HMCN1: variants seen among roughly 807,000 people sequenced by gnomAD.
HMCN1 encodes hemicentin 1.
Under a neutral mutation model 625.9 loss-of-function variants are expected in HMCN1, and 321 were observed. The ratio of observed to expected loss-of-function variants is 0.51; its 90% CI spans 0.47 to 0.56. The LOEUF is 0.56. HMCN1 is among the 20% of genes least tolerant of loss of function. The pLI is 0.00. For missense variants in HMCN1, 6,588 were observed against 6,887.3 expected (o/e 0.96, Z 1.54); for synonymous variants, 2,425 against 2,417.6 (o/e 1.00, Z -0.09).
chr1:185,779,284 C>G (rs943857803), intron 1 of HMCN1, among the ~76,000 whole-genome samples: 9 of 152,132 alleles, frequency 5.9e-5, no homozygotes, highest in African/African-American at 2.2e-4. Flanking sequence ...AATTTTCTCC[C>G]ATTCTGTAGG....
At chr1:186,002,218 A>C (rs1478577199) in intron 28 of HMCN1, among the ~76,000 whole-genome samples, 3 of 152,098 alleles carry the variant, frequency 2.0e-5, no homozygotes, top group Non-Finnish European at 4.4e-5. Flanking sequence ...CCTGATTCTA[A>C]TTAAGTAGGT....
At chr1:185,981,828 G>A (rs1651661194) in intron 17 of HMCN1, among the ~76,000 whole-genome samples, 1 of 152,022 alleles carries the variant, frequency 6.6e-6, no homozygotes, top group African/African-American at 2.4e-5. Context: ...TTATTTGCTT[G>A]AGATATTACA....
intron 51 of HMCN1, 138 bp from the exon 52 acceptor site, chr1:186,070,474 A>G (rs1230547731): frequency 2.7e-6 from 2 of 733,212 alleles, no homozygotes; most frequent in African/African-American, 1.8e-5. Context: ...GTTAACTTAG[A>G]TACTTAATGA....
chr1:185,923,374 A>G lies in HMCN1; in HGVS notation c.1022-16A>G. 1 of 1,594,876 alleles carries G rather than the reference A, an allele frequency of 6.3e-7. No individual in the cohort carries two copies. The highest frequency in any genetic ancestry group is 8.6e-7 in the Non-Finnish European group (1 of 1,165,046). On this transcript the variant is annotated splice_polypyrimidine_tract_variant and intron_variant, in intron 7 of 106. Coordinates refer to ENST00000271588, the MANE Select transcript of HMCN1 (RefSeq NM_031935.3). ...GCTTGTTTCTTGTAAATGATAACAA[A>G]ATCTTTCTCTTGTAGGAATACCTAC... is the stretch of plus-strand genomic sequence containing the variant.
intron 30 of HMCN1, among the ~76,000 whole-genome samples, chr1:186,008,377 G>T (rs74134281): frequency 2.6e-5 from 4 of 152,198 alleles, no homozygotes; most frequent in African/African-American, 9.6e-5. Flanking sequence ...TATGAAAAAT[G>T]TAATATATCT....
At chr1:185,896,236 A>G (rs898412637) in intron 4 of HMCN1, among the ~76,000 whole-genome samples, 6 of 152,122 alleles carry the variant, frequency 3.9e-5, no homozygotes, top group African/African-American at 1.2e-4. Flanking sequence ...GCGCCCGGCC[A>G]GTCTCATTTA....
intron 36 of HMCN1, among the ~76,000 whole-genome samples, chr1:186,028,051 C>G (rs10752959): frequency 0.56 from 85,210 of 151,350 alleles, 24,138 homozygotes; most frequent in African/African-American, 0.63. Flanking sequence ...CTCACTATTT[C>G]ACAATTTCAC....
intron 15 of HMCN1, among the ~76,000 whole-genome samples, chr1:185,973,403 G>T (rs1163997323): frequency 6.6e-6 from 1 of 151,954 alleles, no homozygotes; most frequent in African/African-American, 2.4e-5. Context: ...TAAAGAAAGG[G>T]CTTGAGACAA....
chr1:185,837,622 A>G (rs984697660), intron 1 of HMCN1, among the ~76,000 whole-genome samples: 4 of 151,990 alleles, frequency 2.6e-5, no homozygotes, highest in African/African-American at 9.7e-5. Flanking sequence ...TTATTTTTAT[A>G]TCGATCTGAT....
chr1:186,140,076 A>T (rs1649856546), intron 89 of HMCN1, among the ~76,000 whole-genome samples: 1 of 152,204 alleles, frequency 6.6e-6, no homozygotes, highest in Non-Finnish European at 1.5e-5. Flanking sequence ...TGAAACAAGG[A>T]CATTCTCTTT....
chr1:185,896,272 A>G (rs1183683296), intron 4 of HMCN1, among the ~76,000 whole-genome samples: 1 of 152,096 alleles, frequency 6.6e-6, no homozygotes, highest in Non-Finnish European at 1.5e-5. Flanking sequence ...GTTTTAGGAC[A>G]TGAACTCTTT....
At chr1:185,913,310 T>A (rs1666530345) in intron 6 of HMCN1, among the ~76,000 whole-genome samples, 2 of 152,178 alleles carry the variant, frequency 1.3e-5, no homozygotes, top group African/African-American at 4.8e-5. Context: ...ATTTATTGAG[T>A]GTATTAGATT....
intron 102 of HMCN1, among the ~76,000 whole-genome samples, chr1:186,173,976 G>C (rs1455910419): frequency 6.6e-6 from 1 of 152,194 alleles, no homozygotes; most frequent in South Asian, 2.1e-4. Context: ...TCTTTTAAAA[G>C]AAATGCTTTT....
chr1:186,172,418 T>C (rs548607399), intron 102 of HMCN1, among the ~76,000 whole-genome samples: 19 of 152,322 alleles, frequency 1.2e-4, no homozygotes, highest in African/African-American at 3.8e-4. Flanking sequence ...TTATCTCACA[T>C]GATTTCTAAT....
In HMCN1 at chr1:185,925,042, C is replaced by T. The variant is rs777827554; in HGVS notation, c.1286-5C>T. 1.2e-6 allele frequency: 2 copies of T among 1,602,324 alleles called. No homozygotes were observed. Among genetic ancestry groups the T allele is most frequent in the Non-Finnish European group, 1.7e-6 (2 of 1,173,458 alleles). ...TTTTGTTTTTGTTTTTGTTTTTTTT[C>T]CTAGATGCTCCCAAAGTTACGATGC... is the stretch of plus-strand genomic sequence containing the variant. On this transcript the variant is annotated splice_polypyrimidine_tract_variant and splice_region_variant and intron_variant, in intron 8 of 106. Coordinates refer to ENST00000271588, the MANE Select transcript of HMCN1 (RefSeq NM_031935.3).
At chr1:185,773,167 G>A (rs996684447) in intron 1 of HMCN1, among the ~76,000 whole-genome samples, 1 of 152,084 alleles carries the variant, frequency 6.6e-6, no homozygotes, top group African/African-American at 2.4e-5. Context: ...GGGACATTTG[G>A]CATTGGCTGG....
chr1:185,921,744 G>C (rs1290008775), intron 6 of HMCN1, among the ~76,000 whole-genome samples: 1 of 152,150 alleles, frequency 6.6e-6, no homozygotes, highest in African/African-American at 2.4e-5. Flanking sequence ...GTGAACTCTT[G>C]TTCATAAGTC....
chr1:185,889,987 A>C (rs1453379076), intron 4 of HMCN1, among the ~76,000 whole-genome samples: 9 of 150,238 alleles, frequency 6.0e-5, no homozygotes, highest in Admixed American at 4.6e-4. Context: ...ACAATTTCAG[A>C]TCCTGTTATT....
chr1:185,766,738 C>A (rs975317346), intron 1 of HMCN1, among the ~76,000 whole-genome samples: 9 of 151,800 alleles, frequency 5.9e-5, no homozygotes, highest in African/African-American at 2.2e-4. Flanking sequence ...CCTAAGCCTC[C>A]GAGAATTCCC....
Sources: gnomAD v4.1 joint callset for allele counts (sites outside exome capture counted in the v4.1 genomes callset) on GRCh38, gnomAD v4.1.1 for gene constraint, MANE v1.5 for transcripts, NCBI Gene and HGNC (gene_info 2026-07-23, HGNC 2026-07-21) for gene names.